The following CHRM3 variants were observed in gnomAD, a reference collection of about 807,000 sequenced individuals.
CHRM3 encodes the protein muscarinic acetylcholine receptor M3.
Under a neutral mutation model 41.8 loss-of-function variants are expected in CHRM3, and 11 were observed. The ratio of observed to expected loss-of-function variants is 0.26; its 90% confidence interval spans 0.17 to 0.44. The LOEUF (loss-of-function observed/expected upper bound fraction) is 0.44. Ranked by LOEUF, CHRM3 falls within the 20% of genes least tolerant of loss-of-function variation. The pLI is 1.00. For synonymous variants in CHRM3, 297 were observed against 301.4 expected (o/e 0.99, Z 0.15); for missense variants, 571 against 745.4 (o/e 0.77, Z 2.72).
chr1:239,662,664 G>A (rs1454555950), intron 4 of CHRM3, among the ~76,000 whole-genome samples: 1 of 152,082 alleles, frequency 6.6e-6, no homozygotes, highest in Admixed American at 6.5e-5. Flanking sequence ...CTAGTAACTT[G>A]ACAGACCCAA....
intron 3 of CHRM3, among the ~76,000 whole-genome samples, chr1:239,550,411 G>A (rs559262504): frequency 2.0e-5 from 3 of 152,218 alleles, no homozygotes; most frequent in African/African-American, 4.8e-5. Context: ...GGCAGTTCCT[G>A]TCTTGTTCAT....
At chr1:239,631,500 C>T (rs979155291) in intron 3 of CHRM3, among the ~76,000 whole-genome samples, 1 of 152,222 alleles carries the variant, frequency 6.6e-6, no homozygotes, top group African/African-American at 2.4e-5. Context: ...TCTTCCAAAG[C>T]ATTTCCCATT....
Position 239,387,766 on chromosome 1 carries a change from T to A in CHRM3, c.-521+539T>A, listed in dbSNP as rs1431230656. Among the ~76,000 whole-genome samples, 1 of 152,134 alleles carries A rather than the reference T, an allele frequency of 6.6e-6. No homozygotes were observed. Among genetic ancestry groups the A allele is most frequent in the Non-Finnish European group, 1.5e-5 (1 of 68,024 alleles). On this transcript the variant is annotated intron_variant, in intron 1 of 6. Coordinates refer to ENST00000676153, the MANE Select transcript of CHRM3 (RefSeq NM_001375978.1). This position sits in a 1 kb window ranked among gnomAD's most constrained non-coding sequence, Gnocchi z 5.1. ...GCCAACCTCGCAGTGGGGCCGCAAGTTCGGATTGCATTTCAGGGGGCGAGA... is the reference window on the plus strand; with the variant it reads ...GCCAACCTCGCAGTGGGGCCGCAAGATCGGATTGCATTTCAGGGGGCGAGA...
chr1:239,879,789 G>A (rs972684936), intron 6 of CHRM3, among the ~76,000 whole-genome samples: 1 of 152,142 alleles, frequency 6.6e-6, no homozygotes, highest in African/African-American at 2.4e-5. Context: ...TCCCTCCACG[G>A]TCACACACAG....
At chr1:239,594,748 T>C (rs1275288876) in intron 3 of CHRM3, among the ~76,000 whole-genome samples, 1 of 152,182 alleles carries the variant, frequency 6.6e-6, no homozygotes, top group Non-Finnish European at 1.5e-5. Context: ...AGTAGGCCCT[T>C]CATACCCCTG....
At chr1:239,391,749 C>T (rs559443016) in intron 1 of CHRM3, among the ~76,000 whole-genome samples, 19 of 152,220 alleles carry the variant, frequency 1.2e-4, no homozygotes, top group African/African-American at 3.9e-4. Context: ...TGAAGCCATC[C>T]GGAATATGAA....
intron 1 of CHRM3, among the ~76,000 whole-genome samples, chr1:239,423,753 TA>T (rs1662137573): frequency 6.6e-6 from 1 of 152,018 alleles, no homozygotes; most frequent in Admixed American, 6.6e-5. Flanking sequence ...ATATTTTTTC[TA>T]AGAAATAGGA....
intron 1 of CHRM3, among the ~76,000 whole-genome samples, chr1:239,446,079 G>A (rs1296703437): frequency 2.0e-5 from 3 of 152,082 alleles, no homozygotes; most frequent in Non-Finnish European, 4.4e-5. Context: ...TGGAACTACA[G>A]GTGTGCACCA....
intron 3 of CHRM3, among the ~76,000 whole-genome samples, chr1:239,567,371 A>G (rs1037982956): frequency 2.0e-5 from 3 of 151,900 alleles, no homozygotes; most frequent in Non-Finnish European, 4.4e-5. Context: ...TTCTAATTTC[A>G]GAAAACAACT....
intron 2 of CHRM3, among the ~76,000 whole-genome samples, chr1:239,520,881 C>T (rs1383087612): frequency 2.6e-5 from 4 of 152,086 alleles, no homozygotes; most frequent in African/African-American, 9.7e-5. Flanking sequence ...ACATACATAA[C>T]ATACTGTTAG....
chr1:239,529,349 G>A (rs189276912), intron 2 of CHRM3, among the ~76,000 whole-genome samples: 11 of 152,144 alleles, frequency 7.2e-5, no homozygotes, highest in Admixed American at 7.2e-4. Flanking sequence ...GGTGGCTCAC[G>A]CCTGTAATCC....
chr1:239,428,058 A>G (rs1439135256), intron 1 of CHRM3, among the ~76,000 whole-genome samples: 5 of 152,250 alleles, frequency 3.3e-5, no homozygotes, highest in East Asian at 1.9e-4. Flanking sequence ...TTGCCGTCCT[A>G]TATAGTAGAC....
chr1:239,653,232 C>A (rs6692904), intron 4 of CHRM3, among the ~76,000 whole-genome samples: 51,225 of 151,912 alleles, frequency 0.34, 9,026 homozygotes, highest in African/African-American at 0.42. Flanking sequence ...AAGGGGGATT[C>A]CTAGGAAACA....
At chr1:239,492,434 T>G (rs1269191490) in intron 1 of CHRM3, among the ~76,000 whole-genome samples, 1 of 152,192 alleles carries the variant, frequency 6.6e-6, no homozygotes, top group Non-Finnish European at 1.5e-5. Flanking sequence ...CATTTTAGCT[T>G]CCATGCAAAA....
intron 1 of CHRM3, among the ~76,000 whole-genome samples, chr1:239,423,338 A>T (rs2103113220): frequency 6.6e-6 from 1 of 152,294 alleles, no homozygotes; most frequent in Non-Finnish European, 1.5e-5. Context: ...ATGATAACTT[A>T]TTTGTGGAAC....
At chr1:239,684,762 G>GAAAT (rs1658951394) in intron 5 of CHRM3, among the ~76,000 whole-genome samples, 2 of 126,654 alleles carry the variant, frequency 1.6e-5, no homozygotes, top group Admixed American at 8.4e-5. Flanking sequence ...AAGAAAGAAA[G>GAAAT]AAAGAAAGAG....
intron 1 of CHRM3, among the ~76,000 whole-genome samples, chr1:239,459,367 A>G (rs1157530622): frequency 6.6e-6 from 1 of 152,154 alleles, no homozygotes; most frequent in Non-Finnish European, 1.5e-5. Flanking sequence ...TTTAAAAGTA[A>G]CTGTAAGGAC....
intron 3 of CHRM3, among the ~76,000 whole-genome samples, chr1:239,603,577 G>A (rs935921981): frequency 6.6e-6 from 1 of 152,050 alleles, no homozygotes; most frequent in Non-Finnish European, 1.5e-5. Flanking sequence ...GAGGTCTCAT[G>A]GTTTTATAGC....
intron 2 of CHRM3, among the ~76,000 whole-genome samples, chr1:239,494,976 T>C (rs912494849): frequency 6.6e-6 from 1 of 152,174 alleles, no homozygotes; most frequent in African/African-American, 2.4e-5. Flanking sequence ...ATGATATATT[T>C]GACCTGGTTC....
Sources: gnomAD v4.1 joint callset for allele counts (sites outside exome capture counted in the v4.1 genomes callset) on GRCh38, gnomAD v4.1.1 for gene constraint, Gnocchi (gnomAD v3.1) non-coding constraint, MANE v1.5 for transcripts, NCBI Gene and HGNC (gene_info 2026-07-23, HGNC 2026-07-21) for gene names.